Variants in EPAS1 observed in about 807,000 individuals in gnomAD.
The protein encoded by EPAS1 is endothelial PAS domain-containing protein 1.
A neutral mutation model predicts 87.9 loss-of-function variants in EPAS1; 23 were observed. That is an observed-to-expected ratio of 0.26 (90% CI 0.19 to 0.37). The LOEUF is 0.37. EPAS1 is among the 10% of genes least tolerant of loss of function. The pLI is 1.00. For missense variants in EPAS1, 1,138 were observed against 1,120.7 expected (o/e 1.02, Z -0.22); for synonymous variants, 508 against 444.3 (o/e 1.14, Z -1.80).
In EPAS1 at chr2:46,347,865, G is replaced by A. The variant is rs968969618; in HGVS notation, c.217+802G>A. Among the ~76,000 whole-genome samples the A allele has an allele frequency of 3.3e-5, 5 of 152,218 alleles. No homozygotes were observed. The highest frequency in any genetic ancestry group is 1.2e-4 in the African/African-American group (5 of 41,456). On this transcript the variant is annotated intron_variant, in intron 2 of 15. Coordinates refer to ENST00000263734, the MANE Select transcript of EPAS1 (RefSeq NM_001430.5). This position sits in a 1 kb window ranked among gnomAD's most constrained non-coding sequence, Gnocchi z 4.2. The stretch of plus-strand genomic sequence containing the variant: ...CATTCTCGTCAGGGGTGTCAGTTCT[G>A]TAAGGACGCTGGGCAACGAGTTGTG...
chr2:46,357,963 C>T (rs1363853226), intron 4 of EPAS1, among the ~76,000 whole-genome samples: 1 of 152,144 alleles, frequency 6.6e-6, no homozygotes, highest in South Asian at 2.1e-4. Flanking sequence ...GTCAAGGTCC[C>T]TTCCAAACCT....
intron 6 of EPAS1, among the ~76,000 whole-genome samples, chr2:46,369,550 G>A (rs1024653123): frequency 8.5e-5 from 13 of 152,172 alleles, no homozygotes; most frequent in African/African-American, 9.7e-5. Context: ...TGTGTGTACC[G>A]GGGTGGTGGG....
intron 1 of EPAS1, among the ~76,000 whole-genome samples, chr2:46,309,713 C>T (rs557722718): frequency 6.6e-6 from 1 of 152,288 alleles, no homozygotes; most frequent in East Asian, 1.9e-4. Context: ...GACTGGTGAG[C>T]CAGTTCCTTC....
At chr2:46,383,110 C>T (rs1419886825) in intron 15 of EPAS1, among the ~76,000 whole-genome samples, 3 of 152,232 alleles carry the variant, frequency 2.0e-5, no homozygotes, top group Non-Finnish European at 2.9e-5. Flanking sequence ...AGTGCTCCTT[C>T]CCTGGGGCTT....
At chr2:46,329,837 C>G (rs1683640036) in intron 1 of EPAS1, among the ~76,000 whole-genome samples, 1 of 152,078 alleles carries the variant, frequency 6.6e-6, no homozygotes, top group South Asian at 2.1e-4. Context: ...AACAGACAAA[C>G]AAAACACACA....
At chr2:46,327,906 C>T (rs188949636) in intron 1 of EPAS1, among the ~76,000 whole-genome samples, 14 of 152,338 alleles carry the variant, frequency 9.2e-5, no homozygotes, top group Admixed American at 1.3e-4. Context: ...TTAATATTGC[C>T]TCATGCCTCC....
At chr2:46,323,533 G>C (rs1251441434) in intron 1 of EPAS1, among the ~76,000 whole-genome samples, 1 of 152,138 alleles carries the variant, frequency 6.6e-6, no homozygotes, top group Non-Finnish European at 1.5e-5. Flanking sequence ...GCTTGTGAAA[G>C]TACAAAGCAT....
intron 1 of EPAS1, among the ~76,000 whole-genome samples, chr2:46,316,939 G>T (rs559453254): frequency 6.6e-6 from 1 of 152,180 alleles, no homozygotes. Flanking sequence ...CATTTCCACA[G>T]TGTTCACACC....
In EPAS1 at chr2:46,346,997, C is replaced by T. The variant is rs1392803714; in HGVS notation, c.151C>T (p.Leu51=). Residue 51 remains leucine (L), a synonymous_variant, in exon 2 of 16, where the codon CTG becomes TTG. Transcript: ENST00000263734. The surrounding 1 kb of genome is among the most constrained non-coding windows in gnomAD (Gnocchi z 4.0). ...LPLPHSVSSH[L]DKASIMRLAI... is the part of the protein sequence containing the mutation. ...TCTGCCCCACAGTGTGAGCTCCCATCTGGACAAGGCCTCCATCATGCGACT... is the reference window on the plus strand; with the variant it reads ...TCTGCCCCACAGTGTGAGCTCCCATTTGGACAAGGCCTCCATCATGCGACT... 12 of 1,614,246 alleles carry T rather than the reference C, an allele frequency of 7.4e-6. No homozygotes were observed. In the Middle Eastern group the frequency reaches 4.9e-4, roughly 67 times the overall value.
At position 46,384,767 on chromosome 2, in the gene EPAS1, C is replaced by T. The variant is rs1684975981; in HGVS notation, c.*107C>T. 2.1e-6 allele frequency: 3 copies of T among 1,452,668 alleles called. No homozygotes were observed. In the Admixed American group the frequency reaches 5.9e-5, roughly 29 times the overall value. The allele number at this position is 1,452,668 out of a possible 1,614,324, so 90.0% of individuals were successfully genotyped here. A position where few individuals can be genotyped will look rare whatever the true frequency, so the allele number is the denominator to read the frequency against. On this transcript the variant is annotated 3_prime_UTR_variant, in exon 16 of 16. Coordinates refer to ENST00000263734, the MANE Select transcript of EPAS1 (RefSeq NM_001430.5). ...ATTTCTAACGCCAGCACACTATTTACAAGATGGACTTACCTGGCAGACTTG... is the reference window on the plus strand; with the variant it reads ...ATTTCTAACGCCAGCACACTATTTATAAGATGGACTTACCTGGCAGACTTG...
At chr2:46,345,206 C>G (rs1407683648) in intron 1 of EPAS1, among the ~76,000 whole-genome samples, 1 of 152,136 alleles carries the variant, frequency 6.6e-6, no homozygotes, top group Non-Finnish European at 1.5e-5. Context: ...TCTTGAACTC[C>G]TGGGCCCAGG....
At position 46,353,788 on chromosome 2, in the gene EPAS1, C is replaced by T. The variant is rs116180054; in HGVS notation, c.218-2363C>T. On this transcript the variant is annotated intron_variant, in intron 2 of 15. Coordinates refer to ENST00000263734, the MANE Select transcript of EPAS1 (RefSeq NM_001430.5). ...GTATGTGTATGGTGTAAGGTCATTC[C>T]CATGACCTGTGGTTCTCCCCTCTCC... 9.7e-3 allele frequency among the ~76,000 whole-genome samples: 1,473 copies of T among 152,320 alleles called. 16 individuals carry two copies. The highest frequency in any genetic ancestry group is 0.033 in the African/African-American group (1,376 of 41,564).
chr2:46,370,229 C>T (rs967437465), intron 7 of EPAS1, among the ~76,000 whole-genome samples: 3 of 152,208 alleles, frequency 2.0e-5, no homozygotes, highest in Admixed American at 1.3e-4. Flanking sequence ...ACCACCTCCA[C>T]GGAGTGCCTG....
In EPAS1 at chr2:46,375,281, C is replaced by G. The variant is rs985703194; in HGVS notation, c.887-409C>G. 3.9e-5 allele frequency among the ~76,000 whole-genome samples: 6 copies of G among 151,904 alleles called. No homozygotes were observed. Among genetic ancestry groups the G allele is most frequent in the Non-Finnish European group, 8.8e-5 (6 of 67,978 alleles). ...CTGGAGTGCTTGACGGGATGGCGCT[C>G]CTTACCCAGTGTGAAGGGGCTTCTT... On this transcript the variant is annotated intron_variant, in intron 7 of 15. Transcript: ENST00000263734. The surrounding 1 kb of genome is among the most constrained non-coding windows in gnomAD (Gnocchi z 4.1).
intron 2 of EPAS1, among the ~76,000 whole-genome samples, chr2:46,350,738 G>C (rs1278251229): frequency 6.6e-6 from 1 of 152,196 alleles, no homozygotes; most frequent in Non-Finnish European, 1.5e-5. Context: ...ACTGAATTTT[G>C]GGCTTGCCCA....
chr2:46,328,093 A>G (rs1558588945), intron 1 of EPAS1, among the ~76,000 whole-genome samples: 1 of 152,204 alleles, frequency 6.6e-6, no homozygotes, highest in Non-Finnish European at 1.5e-5. Context: ...GTCCATATGC[A>G]GATCGGGCTG....
chr2:46,375,148 C>G lies in EPAS1; in HGVS notation c.887-542C>G, dbSNP rs1194267137. On this transcript the variant is annotated intron_variant, in intron 7 of 15. Coordinates refer to ENST00000263734, the MANE Select transcript of EPAS1 (RefSeq NM_001430.5). This position sits in a 1 kb window ranked among gnomAD's most constrained non-coding sequence, Gnocchi z 4.1. Reference sequence around the variant, plus strand: ...TATCAATGTTTTAAATGCTTTTATTCATAAGCAGGGTATTGGTGGTGGGTC... The same window carrying G: ...TATCAATGTTTTAAATGCTTTTATTGATAAGCAGGGTATTGGTGGTGGGTC... 7.4e-6 allele frequency among the ~76,000 whole-genome samples: 1 copy of G among 135,016 alleles called. No individual in the cohort carries two copies. The highest frequency in any genetic ancestry group is 1.6e-5 in the Non-Finnish European group (1 of 62,456). 88.6% of individuals were successfully genotyped at this position (135,016 alleles called of 152,430 possible).
intron 11 of EPAS1, 99 bp downstream of exon 11, chr2:46,378,866 G>T: frequency 8.4e-7 from 1 of 1,187,942 alleles, no homozygotes. Flanking sequence ...TTGTTGTAAA[G>T]AGCAGTGGAG....
At chr2:46,372,199 C>G (rs745410602) in intron 7 of EPAS1, among the ~76,000 whole-genome samples, 24 of 152,196 alleles carry the variant, frequency 1.6e-4, no homozygotes, top group Non-Finnish European at 3.4e-4. Flanking sequence ...AGCTCAGAAA[C>G]CCATAGCTAG....
Sources: gnomAD v4.1 joint callset for allele counts (sites outside exome capture counted in the v4.1 genomes callset) on GRCh38, gnomAD v4.1.1 for gene constraint, Gnocchi (gnomAD v3.1) non-coding constraint, MANE v1.5 for transcripts, NCBI Gene and HGNC (gene_info 2026-07-23, HGNC 2026-07-21) for gene names.